SCFD2: variants seen among roughly 807,000 people sequenced by gnomAD.
SCFD2 encodes the protein sec1 family domain containing 2.
SCFD2 carries 54 observed loss-of-function variants against 58.9 expected under a neutral mutation model. The ratio of observed to expected loss-of-function variants is 0.92; its 90% CI spans 0.74 to 1.15. The LOEUF (loss-of-function observed/expected upper bound fraction) is 1.15. Ranked by LOEUF, SCFD2 falls within the 50% of genes most tolerant of loss-of-function variation. The pLI is 0.00. For synonymous variants in SCFD2, 321 were observed against 335.9 expected, an observed-to-expected ratio of 0.96 and a Z score of 0.49; for missense variants, 805 against 836.6, an observed-to-expected ratio of 0.96 and a Z score of 0.47.
At chr4:53,250,053 C>T (rs1393457355) in intron 4 of SCFD2, among the ~76,000 whole-genome samples, 1 of 152,072 alleles carries the variant, frequency 6.6e-6, no homozygotes, top group Non-Finnish European at 1.5e-5. Context: ...ATTCAGGAAA[C>T]CCATCTCACA....
chr4:52,969,030 C>T (rs2109548991), intron 5 of SCFD2, among the ~76,000 whole-genome samples: 1 of 152,334 alleles, frequency 6.6e-6, no homozygotes, highest in East Asian at 1.9e-4. Context: ...TTAGGTTTCT[C>T]ACCCTCCACC....
chr4:53,256,011 C>G (rs554226333), intron 4 of SCFD2, among the ~76,000 whole-genome samples: 1 of 145,696 alleles, frequency 6.9e-6, no homozygotes, highest in African/African-American at 2.5e-5. Context: ...GCTGGCCGGG[C>G]GGGGGTCTGA....
intron 5 of SCFD2, among the ~76,000 whole-genome samples, chr4:53,140,450 T>C (rs1726101219): frequency 7.0e-6 from 1 of 142,290 alleles, no homozygotes; most frequent in South Asian, 2.3e-4. Context: ...TCAAGAGATA[T>C]TATTGAAATA....
chr4:53,301,235 C>A (rs1487718000), intron 3 of SCFD2, among the ~76,000 whole-genome samples: 27 of 151,218 alleles, frequency 1.8e-4, no homozygotes, highest in African/African-American at 6.1e-4. Context: ...AGAGAAGAAT[C>A]AAATAGATGC....
intron 4 of SCFD2, among the ~76,000 whole-genome samples, chr4:53,157,562 A>C (rs1439669876): frequency 1.3e-5 from 2 of 152,210 alleles, no homozygotes; most frequent in African/African-American, 4.8e-5. Context: ...GCTGTTTTCT[A>C]TTCAGCAAAA....
At chr4:53,235,747 A>G (rs1288304590) in intron 4 of SCFD2, among the ~76,000 whole-genome samples, 1 of 152,146 alleles carries the variant, frequency 6.6e-6, no homozygotes, top group Non-Finnish European at 1.5e-5. Flanking sequence ...TGTAAGCCTG[A>G]TATGTGTGGA....
At position 52,960,430 on chromosome 4, in the gene SCFD2, G is replaced by A. The variant is rs530981579; in HGVS notation, c.1562-39560C>T. On this transcript the variant is annotated intron_variant, in intron 5 of 8. Transcript: ENST00000401642. The stretch of plus-strand genomic sequence containing the variant: ...GTTGCCCAGGCTGGAGTGCAATGGC[G>A]CGATCTTGGCTCACCACAACCTCCG... 9.3e-5 allele frequency among the ~76,000 whole-genome samples: 14 copies of A among 150,434 alleles called. No individual in the cohort carries two copies. The South Asian group carries it at 1.7e-3, about 18-fold the overall frequency.
chr4:53,272,212 T>C (rs1164153435), intron 4 of SCFD2, among the ~76,000 whole-genome samples: 1 of 152,102 alleles, frequency 6.6e-6, no homozygotes, highest in African/African-American at 2.4e-5. Context: ...CAACAGGTGC[T>C]GGAAAGGATG....
rs185639746 is a variant in SCFD2 at position 53,158,606 on chromosome 4, C to T, written c.1312-13024G>A. Among the ~76,000 whole-genome samples the T allele has an allele frequency of 3.8e-3, 580 of 152,270 alleles. 4 individuals are homozygous for T. Among genetic ancestry groups the T allele is most frequent in the Non-Finnish European group, 4.6e-3 (312 of 68,022 alleles). Reference sequence around the variant, plus strand: ...CCTTCTTATCCATTCCTTCCCCTACCACTTAAGTTGTAATTACCATCATCT... The same window carrying T: ...CCTTCTTATCCATTCCTTCCCCTACTACTTAAGTTGTAATTACCATCATCT... On this transcript the variant is annotated intron_variant, in intron 4 of 8. Coordinates refer to ENST00000401642, the MANE Select transcript of SCFD2 (RefSeq NM_152540.4).
chr4:53,356,590 A>C (rs1236440365), intron 1 of SCFD2, among the ~76,000 whole-genome samples: 1 of 151,826 alleles, frequency 6.6e-6, no homozygotes, highest in Admixed American at 6.6e-5. Flanking sequence ...ATGCCCAGCT[A>C]ATTTTTTGTA....
chr4:53,363,913 A>G (rs1022541262), intron 1 of SCFD2, among the ~76,000 whole-genome samples: 2 of 151,914 alleles, frequency 1.3e-5, no homozygotes, highest in African/African-American at 4.8e-5. Flanking sequence ...AGTTTTGCCT[A>G]ACAGAAGTCT....
At chr4:53,289,240 C>A (rs1731763807) in intron 3 of SCFD2, among the ~76,000 whole-genome samples, 1 of 152,114 alleles carries the variant, frequency 6.6e-6, no homozygotes, top group Non-Finnish European at 1.5e-5. Flanking sequence ...GTGGCAGGCG[C>A]CTGTAATCCC....
intron 3 of SCFD2, among the ~76,000 whole-genome samples, chr4:53,312,773 GT>G (rs761840210): frequency 1.8e-4 from 28 of 152,120 alleles, no homozygotes; most frequent in Non-Finnish European, 2.9e-4. Context: ...CCAATAAAAT[GT>G]ACTAATATTT....
chr4:52,992,817 G>A (rs1243596046), intron 5 of SCFD2, among the ~76,000 whole-genome samples: 1 of 152,110 alleles, frequency 6.6e-6, no homozygotes, highest in East Asian at 1.9e-4. Flanking sequence ...GGAGGGAGGT[G>A]GGGGATGCCT....
chr4:52,938,225 G>C (rs1720193486), intron 5 of SCFD2, among the ~76,000 whole-genome samples: 1 of 152,168 alleles, frequency 6.6e-6, no homozygotes, highest in Non-Finnish European at 1.5e-5. Flanking sequence ...CTATGAAGTA[G>C]GTACTAGCAT....
chr4:52,980,368 T>C (rs1721349095), intron 5 of SCFD2, among the ~76,000 whole-genome samples: 1 of 152,152 alleles, frequency 6.6e-6, no homozygotes, highest in Non-Finnish European at 1.5e-5. Context: ...GTCATACAAT[T>C]TCTATGGCTC....
intron 5 of SCFD2, among the ~76,000 whole-genome samples, chr4:52,971,948 T>C (rs1681221101): frequency 6.6e-6 from 1 of 152,090 alleles, no homozygotes; most frequent in Non-Finnish European, 1.5e-5. Flanking sequence ...ATAAAATCCT[T>C]TATAGACAAG....
intron 5 of SCFD2, among the ~76,000 whole-genome samples, chr4:52,978,322 C>T (rs1037601442): frequency 6.6e-6 from 1 of 152,132 alleles, no homozygotes; most frequent in African/African-American, 2.4e-5. Flanking sequence ...GCCCTGTTCT[C>T]CCAGTGTTTG....
chr4:53,206,693 T>C (rs1255738752), intron 4 of SCFD2, among the ~76,000 whole-genome samples: 3 of 152,170 alleles, frequency 2.0e-5, no homozygotes, highest in Non-Finnish European at 4.4e-5. Flanking sequence ...CTGACTAAAA[T>C]AATTTAATGG....
Sources: allele counts gnomAD v4.1 joint callset (sites outside exome capture counted in the v4.1 genomes callset), GRCh38; gene constraint gnomAD v4.1.1; transcripts MANE v1.5; gene names NCBI Gene and HGNC (gene_info 2026-07-23, HGNC 2026-07-21).